Variants in AGBL1 observed in about 807,000 individuals in gnomAD.
AGBL1 encodes the protein cytosolic carboxypeptidase 4.
In AGBL1, 130 loss-of-function variants were observed where a neutral mutation model predicts 118.9. That is an observed-to-expected ratio of 1.09 (90% CI 0.95 to 1.26). The LOEUF (loss-of-function observed/expected upper bound fraction) is 1.26. Among genes scored for constraint, AGBL1 ranks in the 50% most tolerant of loss-of-function variants. AGBL1 has a pLI of 0.00. For synonymous variants in AGBL1, 555 were observed against 478.9 expected (o/e 1.16, Z -2.08); for missense variants, 1,584 against 1,298.1 (o/e 1.22, Z -3.38).
chr15:86,504,645 T>G (rs528099118), intron 18 of AGBL1, among the ~76,000 whole-genome samples: 13 of 151,800 alleles, frequency 8.6e-5, no homozygotes, highest in Middle Eastern at 3.4e-3. Flanking sequence ...TAAAACAAAC[T>G]TAATTGCAAT....
intron 21 of AGBL1, among the ~76,000 whole-genome samples, chr15:86,578,182 T>C (rs2084120900): frequency 6.6e-6 from 1 of 152,150 alleles, no homozygotes; most frequent in Non-Finnish European, 1.5e-5. Context: ...CCCAAGACCA[T>C]GGAAACGCAC....
In AGBL1 at chr15:86,913,869, G is replaced by A. The variant is rs1213023684; in HGVS notation, c.*6575G>A. ...TGCCTAGGTGGCAGAGTGAGACCCT[G>A]TACTCTGTCTAAAAGTAAATAAAAA... On this transcript the variant is annotated 3_prime_UTR_variant, in exon 23 of 23. Coordinates refer to ENST00000614907, the MANE Select transcript of AGBL1 (RefSeq NM_001386094.1). 2 of 152,110 alleles carry A rather than the reference G, an allele frequency of 1.3e-5. No homozygotes were observed. Among genetic ancestry groups the A allele is most frequent in the Non-Finnish European group, 2.9e-5 (2 of 68,042 alleles). 9.4% of individuals were successfully genotyped at this position (152,110 alleles called of 1,614,324 possible).
rs1186796194 is a variant in AGBL1, at chr15:86,837,752, A to T, written c.3159-69335A>T. Among the ~76,000 whole-genome samples, 3 of 152,214 alleles carry T rather than the reference A, an allele frequency of 2.0e-5. No individual in the cohort carries two copies. The East Asian group carries it at 5.8e-4, about 29-fold the overall frequency. On this transcript the variant is annotated intron_variant, in intron 22 of 22. Coordinates refer to ENST00000614907, the MANE Select transcript of AGBL1 (RefSeq NM_001386094.1). ...TGACCAAATTAGAAGTGTATCCTCAAAATGGTTTTGGATTAGAGCGTGAGA... is the reference window on the plus strand; with the variant it reads ...TGACCAAATTAGAAGTGTATCCTCATAATGGTTTTGGATTAGAGCGTGAGA...
chr15:86,954,333 A>G (rs996793763), intron 23 of AGBL1, among the ~76,000 whole-genome samples: 9 of 152,290 alleles, frequency 5.9e-5, no homozygotes, highest in African/African-American at 1.9e-4. Context: ...CTATTCTACC[A>G]AAAGGACACT....
rs566149984 is a variant in AGBL1 at position 86,591,083 on chromosome 15, T to A, written c.2994+36546T>A. Among the ~76,000 whole-genome samples the A allele has an allele frequency of 1.9e-4, 29 of 152,336 alleles. No individual in the cohort carries two copies. The South Asian group carries it at 5.6e-3, about 29-fold the overall frequency. The stretch of plus-strand genomic sequence containing the variant: ...CTCTAGTTTACTTAATCTAGAATAC[T>A]TACTCATGATTTATCTCTCTTAACC... On this transcript the variant is annotated intron_variant, in intron 21 of 22. Transcript: ENST00000614907.
At chr15:86,631,507 T>C (rs2084965549) in intron 21 of AGBL1, among the ~76,000 whole-genome samples, 2 of 152,192 alleles carry the variant, frequency 1.3e-5, no homozygotes, top group African/African-American at 4.8e-5. Flanking sequence ...AAGCCCATAT[T>C]CCTTTATTTC....
intron 5 of AGBL1, among the ~76,000 whole-genome samples, chr15:86,212,205 G>A (rs117307327): frequency 0.013 from 1,935 of 152,308 alleles, 26 homozygotes; most frequent in East Asian, 0.07. Context: ...GCTATGATAA[G>A]TGCTGAGATT....
intron 17 of AGBL1, among the ~76,000 whole-genome samples, chr15:86,326,625 C>A (rs904081477): frequency 6.6e-6 from 1 of 151,906 alleles, no homozygotes; most frequent in Non-Finnish European, 1.5e-5. Context: ...GGAAAGAGAC[C>A]ATTTGAGCAA....
At position 86,381,456 on chromosome 15, in the gene AGBL1, T is replaced by C. The variant is rs1385396108; in HGVS notation, c.2375-15910T>C. 8.5e-5 allele frequency among the ~76,000 whole-genome samples: 13 copies of C among 152,240 alleles called. No individual in the cohort carries two copies. The East Asian group carries it at 1.7e-3, about 20-fold the overall frequency. ...ATATTTTTCTGAATCTTACAAAGTG[T>C]GTTGGCTCCAGGAAGACTGGAAACT... On this transcript the variant is annotated intron_variant, in intron 17 of 22. Coordinates refer to ENST00000614907, the MANE Select transcript of AGBL1 (RefSeq NM_001386094.1).
chr15:86,099,893 G>A (rs1482912316), intron 1 of AGBL1, among the ~76,000 whole-genome samples: 1 of 152,056 alleles, frequency 6.6e-6, no homozygotes, highest in Non-Finnish European at 1.5e-5. Flanking sequence ...GCAAAAATGG[G>A]CATCTTGTCT....
intron 22 of AGBL1, among the ~76,000 whole-genome samples, chr15:86,892,112 G>A (rs1362803282): frequency 6.6e-6 from 1 of 151,996 alleles, no homozygotes; most frequent in Non-Finnish European, 1.5e-5. Context: ...AATTGATTCA[G>A]CAAGTTTGAC....
chr15:86,194,310 A>G (rs2077766584), intron 5 of AGBL1, among the ~76,000 whole-genome samples: 1 of 152,196 alleles, frequency 6.6e-6, no homozygotes, highest in Non-Finnish European at 1.5e-5. Context: ...TCATTTATCA[A>G]GATGTCTGGG....
chr15:86,520,048 T>C (rs1446179043), intron 18 of AGBL1, among the ~76,000 whole-genome samples: 2 of 152,222 alleles, frequency 1.3e-5, no homozygotes, highest in Non-Finnish European at 2.9e-5. Context: ...GACCACAGCC[T>C]CTTGCCTGGA....
chr15:86,382,958 A>C (rs1218676340), intron 17 of AGBL1, among the ~76,000 whole-genome samples: 1 of 152,128 alleles, frequency 6.6e-6, no homozygotes, highest in African/African-American at 2.4e-5. Flanking sequence ...CTCTCAAAGC[A>C]AGTAACCTAG....
chr15:86,363,329 G>A (rs2080834598), intron 17 of AGBL1, among the ~76,000 whole-genome samples: 1 of 152,084 alleles, frequency 6.6e-6, no homozygotes, highest in Non-Finnish European at 1.5e-5. Flanking sequence ...TCATTTTACT[G>A]AGTGGTGGGT....
chr15:86,441,950 C>A (rs2082069226), intron 18 of AGBL1, among the ~76,000 whole-genome samples: 2 of 152,214 alleles, frequency 1.3e-5, no homozygotes, highest in Admixed American at 6.5e-5. Context: ...GCTTGAAAGA[C>A]CTCTGTGTAT....
intron 17 of AGBL1, among the ~76,000 whole-genome samples, chr15:86,310,406 G>A (rs1006467785): frequency 2.0e-5 from 3 of 152,176 alleles, no homozygotes; most frequent in African/African-American, 4.8e-5. Context: ...CTTGGTGGGC[G>A]TTTGGCATGA....
At chr15:86,638,336 G>C (rs2085134054) in intron 21 of AGBL1, among the ~76,000 whole-genome samples, 1 of 152,156 alleles carries the variant, frequency 6.6e-6, no homozygotes, top group Admixed American at 6.5e-5. Flanking sequence ...AATGGTGTGG[G>C]ATCTGGCTCT....
intron 18 of AGBL1, among the ~76,000 whole-genome samples, chr15:86,454,948 A>G (rs550152477): frequency 6.6e-6 from 1 of 152,304 alleles, no homozygotes; most frequent in African/African-American, 2.4e-5. Flanking sequence ...TTTGAAGTCA[A>G]TTCCCACTGA....
Sources: allele counts gnomAD v4.1 joint callset (sites outside exome capture counted in the v4.1 genomes callset), GRCh38; gene constraint gnomAD v4.1.1; transcripts MANE v1.5; gene names NCBI Gene and HGNC (gene_info 2026-07-23, HGNC 2026-07-21).